Variants in ARHGAP27 observed in about 807,000 individuals in gnomAD.
The protein encoded by ARHGAP27 is rho GTPase-activating protein 27.
In ARHGAP27, 53 loss-of-function variants were observed where a neutral mutation model predicts 102.0. The observed-to-expected ratio is 0.52, with a 90% confidence interval of 0.42 to 0.65. The LOEUF is 0.65. ARHGAP27 is among the 30% of genes least tolerant of loss of function. The pLI, the probability that ARHGAP27 is intolerant of heterozygous loss-of-function variation, is 0.00. For synonymous variants in ARHGAP27, 525 were observed against 542.8 expected, an observed-to-expected ratio of 0.97 and a Z score of 0.46; for missense variants, 1,117 against 1,256.2, an observed-to-expected ratio of 0.89 and a Z score of 1.68.
chr17:45,399,179 A>T (rs2046116731), intron 12 of ARHGAP27, among the ~76,000 whole-genome samples: 1 of 152,212 alleles, frequency 6.6e-6, no homozygotes, highest in African/African-American at 2.4e-5. Context: ...CTTTTGGTTC[A>T]GCGAGAGTCA....
intron 4 of ARHGAP27, among the ~76,000 whole-genome samples, chr17:45,426,540 T>G (rs2049617684): frequency 6.6e-6 from 1 of 152,084 alleles, no homozygotes; most frequent in African/African-American, 2.4e-5. Flanking sequence ...CCTGAGCTGC[T>G]GCCTGACAGA....
chr17:45,428,208 C>A lies in ARHGAP27; in HGVS notation c.657+1415G>T, dbSNP rs1597875568. On this transcript the variant is annotated intron_variant, in intron 4 of 19. Coordinates refer to ENST00000685559, the MANE Select transcript of ARHGAP27 (RefSeq NM_001282290.2). ...AGTGGCAGTGCCCAGCCCCGCCCGC[C>A]GGGTGCCGTTCCCCACCCTGGCCAC... 3.3e-5 allele frequency among the ~76,000 whole-genome samples: 5 copies of A among 152,368 alleles called. 1 individual carries two copies. Among genetic ancestry groups the A allele is most frequent in the African/African-American group, 1.2e-4 (5 of 41,592 alleles).
At chr17:45,417,979 G>A (rs557532485) in intron 4 of ARHGAP27, among the ~76,000 whole-genome samples, 6,474 of 150,956 alleles carry the variant, frequency 0.043, 210 homozygotes, top group Non-Finnish European at 0.07. Flanking sequence ...GCGTGAACTC[G>A]GGAGCGGAGA....
chr17:45,395,770 CAG>C lies in ARHGAP27; in HGVS notation c.2464_2465del (p.Leu822AlafsTer73). 1.9e-6 allele frequency: 3 copies of C among 1,602,340 alleles called. No individual in the cohort carries two copies. The highest frequency in any genetic ancestry group is 2.5e-6 in the Non-Finnish European group (3 of 1,177,088). ...GGCAGAGGTGCTGGAAGAGCATCCGCAGAGTGTCGTGGTTGGGAGCGGGCAGC... is the reference window on the plus strand; with the variant it reads ...GGCAGAGGTGCTGGAAGAGCATCCGCAGTGTCGTGGTTGGGAGCGGGCAGC... The part of the protein sequence containing the change: ...RSLPAPNHDT[L>X]RMLFQHLCRV... On this transcript the variant is annotated frameshift_variant, in exon 19 of 20. Transcript: ENST00000685559. LOFTEE classifies it high-confidence loss of function.
rs2045382761 is a variant in ARHGAP27 at position 45,394,620 on chromosome 17, C to T, written c.*836G>A. 6.6e-6 allele frequency: 1 copy of T among 152,328 alleles called. No individual in the cohort carries two copies. 9.4% of individuals were successfully genotyped at this position (152,328 alleles called of 1,614,324 possible). ...TGGTAGCTGAAAGAACTGATTTTCCCCCTACCCAGGCTGTACTCTGGTGTG... is the reference window on the plus strand; with the variant it reads ...TGGTAGCTGAAAGAACTGATTTTCCTCCTACCCAGGCTGTACTCTGGTGTG... On this transcript the variant is annotated 3_prime_UTR_variant, in exon 20 of 20. Transcript: ENST00000685559.
rs1445980852 is a variant in ARHGAP27, at chr17:45,430,570, G to A, written c.-18-273C>T. On this transcript the variant is annotated intron_variant, in intron 3 of 19. Transcript: ENST00000685559. The surrounding 1 kb of genome is among the most constrained non-coding windows in gnomAD (Gnocchi z 4.4). The stretch of plus-strand genomic sequence containing the variant: ...TTCAGTCCTGCGGTGGGGAGATTGT[G>A]GGTAGTCTTGGTCCAAATCGACTGC... Among the ~76,000 whole-genome samples, 1 of 152,186 alleles carries A rather than the reference G, an allele frequency of 6.6e-6. No individual in the cohort carries two copies. Among genetic ancestry groups the A allele is most frequent in the Admixed American group, 6.5e-5 (1 of 15,286 alleles).
At chr17:45,403,519 C>T (rs533588087) in intron 11 of ARHGAP27, 100 bp downstream of exon 11, 2 of 1,032,598 alleles carry the variant, frequency 1.9e-6, no homozygotes, top group Non-Finnish European at 2.8e-6. Context: ...CCACTACACT[C>T]CAGCCTGGGT....
chr17:45,410,392 G>A, intron 4 of ARHGAP27: 1 of 1,359,438 alleles, frequency 7.4e-7, no homozygotes, highest in South Asian at 1.7e-5. Flanking sequence ...GAAACAAGAA[G>A]TTGCCGAGAT....
rs1251229510 is a variant in ARHGAP27, at chr17:45,395,314, G to T, written c.*142C>A. 1 of 1,112,302 alleles carries T rather than the reference G, an allele frequency of 9.0e-7. No individual in the cohort carries two copies. Among genetic ancestry groups the T allele is most frequent in the Non-Finnish European group, 1.2e-6 (1 of 803,018 alleles). The allele number at this position is 1,112,302 out of a possible 1,614,324, so 68.9% of individuals were successfully genotyped here. Reference sequence around the variant, plus strand: ...CCCACTAGGGGTCACCGTACCCTCAGAACCGAGGGTGCAGAAGTCACACCG... The same window carrying T: ...CCCACTAGGGGTCACCGTACCCTCATAACCGAGGGTGCAGAAGTCACACCG... On this transcript the variant is annotated 3_prime_UTR_variant, in exon 20 of 20. Coordinates refer to ENST00000685559, the MANE Select transcript of ARHGAP27 (RefSeq NM_001282290.2).
rs911462197 is a variant in ARHGAP27 at position 45,432,745 on chromosome 17, C to T, written c.-285+7G>A. 7.9e-5 allele frequency: 12 copies of T among 151,374 alleles called. No homozygotes were observed. The highest frequency in any genetic ancestry group is 2.9e-4 in the African/African-American group (12 of 41,174). 9.4% of individuals were successfully genotyped at this position (151,374 alleles called of 1,614,324 possible). On this transcript the variant is annotated splice_region_variant and intron_variant, in intron 1 of 19. Transcript: ENST00000685559. ...CGCCCCACTCCCGACCCTGCCTGCC[C>T]GGGCACCTCGGGGCGTCCGCTCGCC... is the stretch of plus-strand genomic sequence containing the variant.
At position 45,396,513 on chromosome 17, in the gene ARHGAP27, T is replaced by C. The variant is rs778408571; in HGVS notation, c.2147A>G (p.Gln716Arg). 3.8e-6 allele frequency: 6 copies of C among 1,569,610 alleles called. No homozygotes were observed. Among genetic ancestry groups the C allele is most frequent in the Non-Finnish European group, 5.2e-6 (6 of 1,163,756 alleles). The change falls in exon 16 of 20, where the codon CAG becomes CGG. Residue 716 changes from glutamine (Q) to arginine (R), a missense_variant. Coordinates refer to ENST00000685559, the MANE Select transcript of ARHGAP27 (RefSeq NM_001282290.2). ...GCGGGCCTCGACGGCGCGGATGCAC[T>C]GCTGCACGAAGCGTGGCACCCGGCT... is the stretch of plus-strand genomic sequence containing the variant. ...ERSRVPRFVQQCIRAVEARGL... is the reference protein window; with the variant it reads ...ERSRVPRFVQRCIRAVEARGL...
chr17:45,412,962 CTTTTTTTTTTTTTTTTTTTT>C (rs36233058), intron 4 of ARHGAP27, among the ~76,000 whole-genome samples: 24 of 41,142 alleles, frequency 5.8e-4, no homozygotes, highest in South Asian at 4.0e-3. Flanking sequence ...TCAGTATAAT[CTTTTTTTTTTTTTTTTTTTT>C]TTTTTTTTTT....
At position 45,430,465 on chromosome 17, in the gene ARHGAP27, A is replaced by G. The variant is rs1360923661; in HGVS notation, c.-18-168T>C. 6.6e-6 allele frequency among the ~76,000 whole-genome samples: 1 copy of G among 152,104 alleles called. No homozygotes were observed. Among genetic ancestry groups the G allele is most frequent in the Admixed American group, 6.5e-5 (1 of 15,276 alleles). On this transcript the variant is annotated intron_variant, in intron 3 of 19. Transcript: ENST00000685559. The surrounding 1 kb of genome is among the most constrained non-coding windows in gnomAD (Gnocchi z 4.4). The stretch of plus-strand genomic sequence containing the variant: ...GGGAACTTGCATAAAATCACATGTA[A>G]GGCTTCCATTCTTACACTCAGTGCT...
rs1477181300 is a variant in ARHGAP27, at chr17:45,405,920, G to A, written c.821C>T (p.Thr274Ile). 5 of 1,535,858 alleles carry A rather than the reference G, an allele frequency of 3.3e-6. No homozygotes were observed. Among genetic ancestry groups the A allele is most frequent in the Admixed American group, 2.0e-5 (1 of 50,980 alleles). Reference sequence around the variant, plus strand: ...GGCAGCCTCAAAGGGCGACTCCCAGGTGGTAACTCCCGTGTCTGGGTTGTA... The same window carrying A: ...GGCAGCCTCAAAGGGCGACTCCCAGATGGTAACTCCCGTGTCTGGGTTGTA... ...YYYNPDTGVT[T>I]WESPFEAAEG... Residue 274 changes from threonine to isoleucine, a missense_variant, in exon 5 of 20, where the codon ACC (threonine) becomes ATC (isoleucine). Thr to Ile is a moderately conservative substitution (Grantham distance 89). Transcript: ENST00000685559.
intron 4 of ARHGAP27, among the ~76,000 whole-genome samples, chr17:45,425,978 CAGG>C (rs2049558169): frequency 1.3e-5 from 2 of 152,188 alleles, no homozygotes; most frequent in South Asian, 2.1e-4. Context: ...AGCAAAAGAA[CAGG>C]AGATGTCCCT....
intron 5 of ARHGAP27, 128 bp downstream of exon 5, chr17:45,405,548 G>A: frequency 7.8e-7 from 1 of 1,285,776 alleles, no homozygotes; most frequent in South Asian, 1.5e-5. Context: ...AGGGGTCAAA[G>A]GCTCTCAGAG....
intron 4 of ARHGAP27, chr17:45,409,747 T>C: frequency 6.2e-6 from 1 of 160,026 alleles, no homozygotes; most frequent in Non-Finnish European, 1.4e-5. Context: ...AGTCACGCCC[T>C]CCACATCCTC....
chr17:45,423,946 G>A (rs1291694378), intron 4 of ARHGAP27, among the ~76,000 whole-genome samples: 1 of 152,176 alleles, frequency 6.6e-6, no homozygotes, highest in African/African-American at 2.4e-5. Context: ...ATTTTTATAG[G>A]GAGGGAATAG....
chr17:45,427,664 C>T lies in ARHGAP27; in HGVS notation c.657+1959G>A, dbSNP rs904463906. On this transcript the variant is annotated intron_variant, in intron 4 of 19. Coordinates refer to ENST00000685559, the MANE Select transcript of ARHGAP27 (RefSeq NM_001282290.2). This position sits in a 1 kb window ranked among gnomAD's most constrained non-coding sequence, Gnocchi z 4.5. ...TTGAATAAAGCTCTGTGGCAGGGAA[C>T]GTGGTATTATTGCACACATCGCACA... Among the ~76,000 whole-genome samples, 14 of 152,294 alleles carry T rather than the reference C, an allele frequency of 9.2e-5. 1 individual carries two copies. The highest frequency in any genetic ancestry group is 6.2e-4 in the South Asian group (3 of 4,824).
Sources: allele counts gnomAD v4.1 joint callset (sites outside exome capture counted in the v4.1 genomes callset), GRCh38; gene constraint gnomAD v4.1.1; non-coding constraint Gnocchi (gnomAD v3.1); transcripts MANE v1.5; gene names NCBI Gene and HGNC (gene_info 2026-07-23, HGNC 2026-07-21).